TRHR: variants seen among roughly 807,000 people sequenced by gnomAD.
TRHR encodes the protein thyrotropin releasing hormone receptor, also known as thyrotropin-releasing hormone receptor.
A neutral mutation model predicts 28.0 loss-of-function variants in TRHR; 14 were observed. The observed-to-expected ratio is 0.50, with a 90% CI of 0.33 to 0.78. The LOEUF is 0.78. TRHR is among the 30% of genes least tolerant of loss of function. The pLI, the probability that TRHR is intolerant of heterozygous loss-of-function variation, is 0.02. For synonymous variants in TRHR, 176 were observed against 171.9 expected, an observed-to-expected ratio of 1.02 and a Z score of -0.18; for missense variants, 438 against 469.5, an observed-to-expected ratio of 0.93 and a Z score of 0.62.
At chr8:109,102,483 A>G (rs1483872961) in intron 2 of TRHR, among the ~76,000 whole-genome samples, 1 of 152,162 alleles carries the variant, frequency 6.6e-6, no homozygotes, top group South Asian at 2.1e-4. Flanking sequence ...GGACGTATCC[A>G]ATACATGTTT....
intron 2 of TRHR, among the ~76,000 whole-genome samples, chr8:109,107,254 G>A (rs73311344): frequency 0.089 from 13,485 of 152,156 alleles, 953 homozygotes; most frequent in African/African-American, 0.2. Flanking sequence ...CCTTTCCCCA[G>A]TGATGGGAAA....
rs189404140 is a variant in TRHR at position 109,094,077 on chromosome 8, C to T, written c.789+5776C>T. On this transcript the variant is annotated intron_variant, in intron 2 of 2. Coordinates refer to ENST00000518632, the MANE Select transcript of TRHR (RefSeq NM_003301.7). ...AAACGTAAGCAGCTGCCAGCTCCAC[C>T]TACATCTAAGAGAACCTTTACTCAA... 1.4e-3 allele frequency among the ~76,000 whole-genome samples: 215 copies of T among 152,232 alleles called. 3 individuals carry two copies. The highest frequency in any genetic ancestry group is 4.2e-3 in the African/African-American group (176 of 41,528).
chr8:109,094,143 A>G (rs1811554906), intron 2 of TRHR, among the ~76,000 whole-genome samples: 1 of 152,192 alleles, frequency 6.6e-6, no homozygotes, highest in Non-Finnish European at 1.5e-5. Context: ...TCAATGGTTA[A>G]GCTCACAAGG....
chr8:109,091,661 T>C (rs1285176291), intron 2 of TRHR, among the ~76,000 whole-genome samples: 1 of 152,228 alleles, frequency 6.6e-6, no homozygotes, highest in Non-Finnish European at 1.5e-5. Context: ...TTCTTCCTTA[T>C]TTGTTTTTAA....
At chr8:109,090,566 A>G (rs918239761) in intron 2 of TRHR, among the ~76,000 whole-genome samples, 5 of 152,218 alleles carry the variant, frequency 3.3e-5, no homozygotes, top group Non-Finnish European at 5.9e-5. Context: ...ACATAAGCCA[A>G]TAGGAGTGTA....
chr8:109,093,059 G>T (rs1208310575), intron 2 of TRHR, among the ~76,000 whole-genome samples: 1 of 151,944 alleles, frequency 6.6e-6, no homozygotes, highest in African/African-American at 2.4e-5. Context: ...CAAAGCAAAA[G>T]AAAGTGATCA....
In TRHR at chr8:109,118,927, T is replaced by C; in HGVS notation, c.790-121T>C. 4.1e-6 allele frequency: 5 copies of C among 1,227,936 alleles called. No homozygotes were observed. In the South Asian group the frequency reaches 6.3e-5, roughly 15 times the overall value. The allele number at this position is 1,227,936 out of a possible 1,614,324, so 76.1% of individuals were successfully genotyped here. A position where few individuals can be genotyped will look rare whatever the true frequency, so the allele number is the denominator to read the frequency against. ...GGGATCACCTCCCCAATAAATGACCTGCACCTAACTCCTTGTCTCAGACTA... is the reference window on the plus strand; with the variant it reads ...GGGATCACCTCCCCAATAAATGACCCGCACCTAACTCCTTGTCTCAGACTA... On this transcript the variant is annotated intron_variant, in intron 2 of 2. Transcript: ENST00000518632.
intron 2 of TRHR, among the ~76,000 whole-genome samples, chr8:109,100,550 T>C (rs919186116): frequency 7.2e-5 from 11 of 152,068 alleles, no homozygotes; most frequent in African/African-American, 2.7e-4. Flanking sequence ...TTCGGACAGA[T>C]TTGCATCTCC....
At chr8:109,110,371 A>C (rs2129921813) in intron 2 of TRHR, among the ~76,000 whole-genome samples, 1 of 151,974 alleles carries the variant, frequency 6.6e-6, no homozygotes, top group South Asian at 2.1e-4. Flanking sequence ...GGTGACATCG[A>C]TAACTTGTCT....
At chr8:109,106,628 T>C (rs1421247573) in intron 2 of TRHR, among the ~76,000 whole-genome samples, 2 of 152,126 alleles carry the variant, frequency 1.3e-5, no homozygotes, top group African/African-American at 4.8e-5. Context: ...AAACTTGTTT[T>C]AGAAGTTAGA....
Position 109,088,179 on chromosome 8 carries a change from A to G in TRHR, c.667A>G (p.Ile223Val), listed in dbSNP as rs758302656. 19 of 1,613,998 alleles carry G rather than the reference A, an allele frequency of 1.2e-5. No homozygotes were observed. Among genetic ancestry groups the G allele is most frequent in the Non-Finnish European group, 1.4e-5 (16 of 1,180,030 alleles). ...AGCTAGAATCCTTTTCTTAAATCCCATTCCTTCAGATCCTAAAGAAAACTC... is the reference window on the plus strand; with the variant it reads ...AGCTAGAATCCTTTTCTTAAATCCCGTTCCTTCAGATCCTAAAGAAAACTC... Reference protein sequence around the residue: ...FIARILFLNPIPSDPKENSKT... With the variant: ...FIARILFLNPVPSDPKENSKT... The change falls in exon 2 of 3, where the codon ATT becomes GTT. Residue 223 changes from isoleucine (I) to valine (V), a missense_variant. Ile to Val is a conservative substitution (Grantham distance 29). Transcript: ENST00000518632.
Position 109,119,356 on chromosome 8 carries a change from G to C in TRHR, c.1098G>C (p.Glu366Asp). 1 of 1,612,360 alleles carries C rather than the reference G, an allele frequency of 6.2e-7. No homozygotes were observed. The highest frequency in any genetic ancestry group is 8.5e-7 in the Non-Finnish European group (1 of 1,179,016). ...AGGAGTCAGACCATTTCAGCACAGA[G>C]CTTGATGATATCACTGTCACTGACA... ...VIKESDHFST[E>D]LDDITVTDTY... Residue 366 changes from glutamate to aspartate, a missense_variant, in exon 3 of 3, where the codon GAG becomes GAC. Physicochemically the swap from Glu to Asp is conservative, Grantham distance 45 (BLOSUM62 2). Transcript: ENST00000518632.
Position 109,087,369 on chromosome 8 carries a change from G to C in TRHR, c.-88-56G>C, listed in dbSNP as rs538386386. On this transcript the variant is annotated intron_variant, in intron 1 of 2. Transcript: ENST00000518632. Reference sequence around the variant, plus strand: ...TGGAAGTGACGGTTATTTGTGATTGGGACTTGATCAGAAATTGTAACACTG... The same window carrying C: ...TGGAAGTGACGGTTATTTGTGATTGCGACTTGATCAGAAATTGTAACACTG... 33 of 880,526 alleles carry C rather than the reference G, an allele frequency of 3.7e-5. No individual in the cohort carries two copies. The East Asian group carries it at 4.5e-4, about 12-fold the overall frequency. 54.5% of individuals were successfully genotyped at this position (880,526 alleles called of 1,614,324 possible).
At chr8:109,106,153 C>T (rs971307732) in intron 2 of TRHR, among the ~76,000 whole-genome samples, 1 of 152,086 alleles carries the variant, frequency 6.6e-6, no homozygotes, top group African/African-American at 2.4e-5. Context: ...AAAGAAAATG[C>T]TTTCTGTGTT....
At chr8:109,102,039 T>G (rs1811684572) in intron 2 of TRHR, among the ~76,000 whole-genome samples, 1 of 152,184 alleles carries the variant, frequency 6.6e-6, no homozygotes, top group Non-Finnish European at 1.5e-5. Context: ...AGATAAGGAC[T>G]GAGAAGTACC....
intron 2 of TRHR, among the ~76,000 whole-genome samples, chr8:109,097,096 G>T (rs112511546): frequency 1.7e-4 from 26 of 152,228 alleles, no homozygotes; most frequent in Admixed American, 6.5e-4. Context: ...TGGAAACATG[G>T]CAAACTCAGA....
At chr8:109,089,025 T>G (rs1811485935) in intron 2 of TRHR, among the ~76,000 whole-genome samples, 1 of 152,236 alleles carries the variant, frequency 6.6e-6, no homozygotes, top group Non-Finnish European at 1.5e-5. Context: ...CTGTTATACT[T>G]TTAGATCACC....
intron 2 of TRHR, among the ~76,000 whole-genome samples, chr8:109,109,808 TCTAA>T (rs10558472): frequency 0.024 from 3,647 of 152,268 alleles, 132 homozygotes; most frequent in African/African-American, 0.083. Context: ...TGTGCCTCTC[TCTAA>T]CTTTCTTCTT....
chr8:109,097,549 G>A (rs568270781), intron 2 of TRHR, among the ~76,000 whole-genome samples: 73 of 152,260 alleles, frequency 4.8e-4, no homozygotes, highest in African/African-American at 1.7e-3. Flanking sequence ...AAAACATAAG[G>A]TTAAGCTGTG....
Sources: gnomAD v4.1 joint callset for allele counts (sites outside exome capture counted in the v4.1 genomes callset) on GRCh38, gnomAD v4.1.1 for gene constraint, MANE v1.5 for transcripts, NCBI Gene and HGNC (gene_info 2026-07-23, HGNC 2026-07-21) for gene names.